Variants in PHACTR2 observed in about 807,000 individuals in gnomAD.
The protein encoded by PHACTR2 is phosphatase and actin regulator 2.
In PHACTR2, 30 loss-of-function variants were observed where a neutral mutation model predicts 76.0. The observed-to-expected ratio is 0.39, with a 90% confidence interval of 0.30 to 0.54. The LOEUF is 0.54. Ranked by LOEUF, PHACTR2 falls within the 20% of genes least tolerant of loss-of-function variation. The probability of loss-of-function intolerance (pLI) is 0.61; values close to 1 mark genes in which losing one functional copy is unlikely to be tolerated. For synonymous variants in PHACTR2, 292 were observed against 292.5 expected (o/e 1.00, Z 0.02); for missense variants, 696 against 781.1 (o/e 0.89, Z 1.30).
chr6:143,813,446 C>T (rs1175276026), intron 12 of PHACTR2, among the ~76,000 whole-genome samples: 1 of 151,914 alleles, frequency 6.6e-6, no homozygotes, highest in Non-Finnish European at 1.5e-5. Context: ...GGTGAAACCC[C>T]ATCTCTACTA....
chr6:143,643,359 G>A (rs1468096185), intron 1 of PHACTR2, among the ~76,000 whole-genome samples: 1 of 152,112 alleles, frequency 6.6e-6, no homozygotes, highest in African/African-American at 2.4e-5. Flanking sequence ...CACAGATGGG[G>A]TCATACTATG....
chr6:143,596,417 A>G lies in PHACTR2; in HGVS notation c.217+59210A>G, dbSNP rs966758604. ...TTAAGAGAGAGACACTCTTACTTATATTTGTATCCCCAGATTGTTAGCAGA... is the reference window on the plus strand; with the variant it reads ...TTAAGAGAGAGACACTCTTACTTATGTTTGTATCCCCAGATTGTTAGCAGA... On this transcript the variant is annotated intron_variant, in intron 1 of 11. Coordinates refer to the PHACTR2 transcript ENST00000367584. The surrounding 1 kb of genome is among the most constrained non-coding windows in gnomAD (Gnocchi z 4.6). 6.6e-6 allele frequency among the ~76,000 whole-genome samples: 1 copy of G among 152,106 alleles called. No homozygotes were observed. The highest frequency in any genetic ancestry group is 1.5e-5 in the Non-Finnish European group (1 of 68,022).
At position 143,597,071 on chromosome 6, in the gene PHACTR2, A is replaced by G. The variant is rs995912277; in HGVS notation, c.217+59864A>G. 2.6e-5 allele frequency among the ~76,000 whole-genome samples: 4 copies of G among 152,162 alleles called. No individual in the cohort carries two copies. Among genetic ancestry groups the G allele is most frequent in the African/African-American group, 4.8e-5 (2 of 41,428 alleles). On this transcript the variant is annotated intron_variant, in intron 1 of 11. Transcript: ENST00000367584. This position sits in a 1 kb window ranked among gnomAD's most constrained non-coding sequence, Gnocchi z 5.7. ...CATCAAGGTCACATTCTTCTGCTCTATACTCTGGATCTTTCTACACTTGGC... is the reference window on the plus strand; with the variant it reads ...CATCAAGGTCACATTCTTCTGCTCTGTACTCTGGATCTTTCTACACTTGGC...
Position 143,589,398 on chromosome 6 carries a change from G to A in PHACTR2, c.217+52191G>A, listed in dbSNP as rs1775663371. Among the ~76,000 whole-genome samples, 1 of 152,176 alleles carries A rather than the reference G, an allele frequency of 6.6e-6. No individual in the cohort carries two copies. The highest frequency in any genetic ancestry group is 2.4e-5 in the African/African-American group (1 of 41,434). Reference sequence around the variant, plus strand: ...CTCCTGCTCCAGCCATGTAAGACGTGCCTGCTTCCTCTTTGCCTTTTGCCA... The same window carrying A: ...CTCCTGCTCCAGCCATGTAAGACGTACCTGCTTCCTCTTTGCCTTTTGCCA... On this transcript the variant is annotated intron_variant, in intron 1 of 11. Transcript: ENST00000367584. This position sits in a 1 kb window ranked among gnomAD's most constrained non-coding sequence, Gnocchi z 4.4.
Position 143,774,088 on chromosome 6 carries a change from G to A in PHACTR2, c.1462G>A (p.Asp488Asn). 1 of 1,613,842 alleles carries A rather than the reference G, an allele frequency of 6.2e-7. No homozygotes were observed. The highest frequency in any genetic ancestry group is 8.5e-7 in the Non-Finnish European group (1 of 1,179,816). Residue 488 changes from aspartate to asparagine, a missense_variant, in exon 8 of 13, where the codon GAT (aspartate) becomes AAT (asparagine). Physicochemically the swap from Asp to Asn is conservative, Grantham distance 23. Coordinates refer to ENST00000440869, the MANE Select transcript of PHACTR2 (RefSeq NM_001100164.2). The surrounding 1 kb of genome is among the most constrained non-coding windows in gnomAD (Gnocchi z 5.4). ...TTTGGCAAGTAAAATACGCCGGAGGGATACTCTTGCTATCAAACTTGGCAA... is the reference window on the plus strand; with the variant it reads ...TTTGGCAAGTAAAATACGCCGGAGGAATACTCTTGCTATCAAACTTGGCAA... ...SALASKIRRR[D>N]TLAIKLGNRP...
chr6:143,628,866 T>C (rs1415829438), intron 1 of PHACTR2, among the ~76,000 whole-genome samples: 1 of 147,074 alleles, frequency 6.8e-6, no homozygotes, highest in African/African-American at 2.5e-5. Context: ...GCTAATATTT[T>C]CATTATTCAG....
At position 143,678,072 on chromosome 6, in the gene PHACTR2, A is replaced by T. The variant is rs942217822; in HGVS notation, c.-92A>T. 1.9e-6 allele frequency: 3 copies of T among 1,542,288 alleles called. 1 individual carries two copies. On this transcript the variant is annotated 5_prime_UTR_variant, in exon 1 of 13. An upstream start codon of the reference 5' UTR is lost. Transcript: ENST00000440869. The surrounding 1 kb of genome is among the most constrained non-coding windows in gnomAD (Gnocchi z 6.2). The stretch of plus-strand genomic sequence containing the variant: ...CGGGCCGCTCGGCACAGGCCGGGAC[A>T]TGAACGCCTGGAAGTCTGGCTGGGA...
Position 143,800,041 on chromosome 6 carries a change from C to T in PHACTR2, c.1846-7016C>T, listed in dbSNP as rs889962552. On this transcript the variant is annotated intron_variant, in intron 11 of 12. Transcript: ENST00000440869. This position sits in a 1 kb window ranked among gnomAD's most constrained non-coding sequence, Gnocchi z 4.8. Reference sequence around the variant, plus strand: ...AAGTTTCTTTGTAAGTCTCTAAGAACTTGCTTTATGAATCTGGTGCTCGTG... The same window carrying T: ...AAGTTTCTTTGTAAGTCTCTAAGAATTTGCTTTATGAATCTGGTGCTCGTG... Among the ~76,000 whole-genome samples the T allele has an allele frequency of 4.6e-5, 7 of 152,138 alleles. No individual in the cohort carries two copies. Among genetic ancestry groups the T allele is most frequent in the African/African-American group, 1.7e-4 (7 of 41,434 alleles).
At chr6:143,756,744 A>G (rs1779309187) in intron 4 of PHACTR2, among the ~76,000 whole-genome samples, 1 of 149,912 alleles carries the variant, frequency 6.7e-6, no homozygotes, top group Non-Finnish European at 1.5e-5. Flanking sequence ...GCTCCCTGTT[A>G]AACAAAGCTT....
rs1775649718 is a variant in PHACTR2 at position 143,588,180 on chromosome 6, G to T, written c.217+50973G>T. ...AATTACAGGATCCCAATTTAAAAGG[G>T]TTCTGGCATTGACAAATATGGAAAG... On this transcript the variant is annotated intron_variant, in intron 1 of 11. Transcript: ENST00000367584. Among the ~76,000 whole-genome samples, 4 of 152,160 alleles carry T rather than the reference G, an allele frequency of 2.6e-5. 1 individual carries two copies. The South Asian group carries it at 8.3e-4, about 32-fold the overall frequency.
chr6:143,734,742 G>T (rs1169764387), intron 2 of PHACTR2, among the ~76,000 whole-genome samples: 1 of 152,172 alleles, frequency 6.6e-6, no homozygotes, highest in East Asian at 1.9e-4. Context: ...ATTGGGTTGA[G>T]ACAAAGTGGG....
intron 1 of PHACTR2, among the ~76,000 whole-genome samples, chr6:143,613,992 G>A (rs1224497221): frequency 6.6e-6 from 1 of 152,166 alleles, no homozygotes; most frequent in Non-Finnish European, 1.5e-5. Context: ...GGAGGCCAAG[G>A]CAGGCAGATC....
rs934484864 is a variant in PHACTR2 at position 143,592,371 on chromosome 6, C to T, written c.217+55164C>T. 1.3e-5 allele frequency among the ~76,000 whole-genome samples: 2 copies of T among 152,114 alleles called. No individual in the cohort carries two copies. The highest frequency in any genetic ancestry group is 2.9e-5 in the Non-Finnish European group (2 of 68,020). On this transcript the variant is annotated intron_variant, in intron 1 of 11. Coordinates refer to the PHACTR2 transcript ENST00000367584. This position sits in a 1 kb window ranked among gnomAD's most constrained non-coding sequence, Gnocchi z 4.0. ...CTATTGTTTAGTAAGTTTTCTAGAG[C>T]TTTACCCAATTTCAGGAAAAGGTAA... is the stretch of plus-strand genomic sequence containing the variant.
In PHACTR2 at chr6:143,541,916, T is replaced by G. The variant is rs7758006; in HGVS notation, c.217+4709T>G. On this transcript the variant is annotated intron_variant, in intron 1 of 11. Coordinates refer to the PHACTR2 transcript ENST00000367584. This position sits in a 1 kb window ranked among gnomAD's most constrained non-coding sequence, Gnocchi z 5.3. ...TGATGCTTTGTGCTCCGAAAGGGTG[T>G]CTGGGTCCCAAGAGGCTTCTGAGCC... is the stretch of plus-strand genomic sequence containing the variant. Among the ~76,000 whole-genome samples, 49,979 of 152,102 alleles carry G rather than the reference T, an allele frequency of 0.33. 10,010 individuals are homozygous for G. Among genetic ancestry groups the G allele is most frequent in the African/African-American group, 0.55 (22,613 of 41,478 alleles).
intron 1 of PHACTR2, among the ~76,000 whole-genome samples, chr6:143,631,922 A>G (rs1390569532): frequency 6.6e-6 from 1 of 152,202 alleles, no homozygotes; most frequent in Non-Finnish European, 1.5e-5. Context: ...GGCTATGACT[A>G]TATCTGTTAT....
At position 143,682,590 on chromosome 6, in the gene PHACTR2, A is replaced by G. The variant is rs116890106; in HGVS notation, c.46+4381A>G. ...TTCTATATACATGATCATACTATATACAAGATCTATTTACATGTGCAAAGA... is the reference window on the plus strand; with the variant it reads ...TTCTATATACATGATCATACTATATGCAAGATCTATTTACATGTGCAAAGA... On this transcript the variant is annotated intron_variant, in intron 1 of 12. Coordinates refer to ENST00000440869, the MANE Select transcript of PHACTR2 (RefSeq NM_001100164.2). Among the ~76,000 whole-genome samples the G allele has an allele frequency of 2.4e-3, 364 of 152,306 alleles. 1 individual carries two copies. Among genetic ancestry groups the G allele is most frequent in the Non-Finnish European group, 4.0e-3 (269 of 68,032 alleles).
Position 143,754,165 on chromosome 6 carries a change from G to T in PHACTR2, c.454+253G>T. On this transcript the variant is annotated intron_variant, in intron 4 of 12. Transcript: ENST00000440869. The surrounding 1 kb of genome is among the most constrained non-coding windows in gnomAD (Gnocchi z 6.2). The stretch of plus-strand genomic sequence containing the variant: ...TTAATTAAAAGTAATAATCAGAAGG[G>T]GTGGCCTCTTTAATCATTAGAGATG... The T allele has an allele frequency of 4.1e-6, 1 of 245,494 alleles. No homozygotes were observed. The allele number at this position is 245,494 out of a possible 1,614,324, so 15.2% of individuals were successfully genotyped here.
rs79990917 is a variant in PHACTR2, at chr6:143,641,197, A to G, written c.13+32875A>G. 1.9e-3 allele frequency among the ~76,000 whole-genome samples: 282 copies of G among 152,224 alleles called. 1 individual carries two copies. The East Asian group carries it at 0.021, about 11-fold the overall frequency. Reference sequence around the variant, plus strand: ...ATTAATCCCACCCTTTGCAGTGGAGACCTCATGGCTTAATCATGATTTAAA... The same window carrying G: ...ATTAATCCCACCCTTTGCAGTGGAGGCCTCATGGCTTAATCATGATTTAAA... On this transcript the variant is annotated intron_variant, in intron 1 of 11. Coordinates refer to the PHACTR2 transcript ENST00000305766. The surrounding 1 kb of genome is among the most constrained non-coding windows in gnomAD (Gnocchi z 5.8).
chr6:143,624,484 A>G lies in PHACTR2; in HGVS notation c.13+16162A>G, dbSNP rs1208010817. Among the ~76,000 whole-genome samples, 1 of 152,240 alleles carries G rather than the reference A, an allele frequency of 6.6e-6. No individual in the cohort carries two copies. The highest frequency in any genetic ancestry group is 1.5e-5 in the Non-Finnish European group (1 of 68,034). On this transcript the variant is annotated intron_variant, in intron 1 of 11. Transcript: ENST00000305766. The surrounding 1 kb of genome is among the most constrained non-coding windows in gnomAD (Gnocchi z 4.6). Reference sequence around the variant, plus strand: ...TTCACACAATATCACCACAACATGGACATTTCAACTAGATTTTCTTCCACC... The same window carrying G: ...TTCACACAATATCACCACAACATGGGCATTTCAACTAGATTTTCTTCCACC...
Sources: allele counts gnomAD v4.1 joint callset (sites outside exome capture counted in the v4.1 genomes callset), GRCh38; gene constraint gnomAD v4.1.1; non-coding constraint Gnocchi (gnomAD v3.1); transcripts MANE v1.5; gene names NCBI Gene and HGNC (gene_info 2026-07-23, HGNC 2026-07-21).